The following TRABD2B variants were observed in gnomAD, a reference collection of about 807,000 sequenced individuals.
TRABD2B encodes the protein metalloprotease TIKI2.
A neutral mutation model predicts 40.1 loss-of-function variants in TRABD2B; 14 were observed. The observed-to-expected ratio is 0.35, with a 90% CI of 0.23 to 0.55. The LOEUF (loss-of-function observed/expected upper bound fraction) is 0.55. TRABD2B is among the 20% of genes least tolerant of loss of function. The probability of loss-of-function intolerance (pLI) is 0.90; values close to 1 mark genes in which losing one functional copy is unlikely to be tolerated. For synonymous variants in TRABD2B, 263 were observed against 277.0 expected (o/e 0.95, Z 0.50); for missense variants, 541 against 648.6 (o/e 0.83, Z 1.80).
chr1:47,993,400 T>G (rs770720477), intron 2 of TRABD2B, among the ~76,000 whole-genome samples: 1 of 152,226 alleles, frequency 6.6e-6, no homozygotes, highest in Non-Finnish European at 1.5e-5. Context: ...ATCAGGACTG[T>G]CAACCTTTAA....
rs1177048582 is a variant in TRABD2B at position 47,778,400 on chromosome 1, C to T, written c.1079+54G>A. 8 of 1,335,682 alleles carry T rather than the reference C, an allele frequency of 6.0e-6. No homozygotes were observed. In the African/African-American group the frequency reaches 8.7e-5, roughly 15 times the overall value. The allele number at this position is 1,335,682 out of a possible 1,614,324, so 82.7% of individuals were successfully genotyped here. A position where few individuals can be genotyped will look rare whatever the true frequency, so the allele number is the denominator to read the frequency against. The stretch of plus-strand genomic sequence containing the variant: ...GCCTCTTCACAGCTCTCCTGAAAGC[C>T]TGGGCAGGAAGGCAGGGTCAGTGAG... On this transcript the variant is annotated intron_variant, in intron 5 of 6. Transcript: ENST00000606738.
At chr1:47,899,597 GA>G (rs1471654837) in intron 2 of TRABD2B, among the ~76,000 whole-genome samples, 1 of 152,216 alleles carries the variant, frequency 6.6e-6, no homozygotes, top group African/African-American at 2.4e-5. Context: ...CAAAGTTGGG[GA>G]AACCATGGAA....
intron 2 of TRABD2B, among the ~76,000 whole-genome samples, chr1:47,844,030 G>A (rs900615569): frequency 6.6e-6 from 1 of 152,152 alleles, no homozygotes; most frequent in African/African-American, 2.4e-5. Flanking sequence ...GAATGTCTTT[G>A]AACCCCACAA....
chr1:47,919,051 G>A (rs777827481), intron 2 of TRABD2B, among the ~76,000 whole-genome samples: 9 of 152,162 alleles, frequency 5.9e-5, no homozygotes, highest in Non-Finnish European at 1.0e-4. Context: ...GGGCTCCCGC[G>A]GTCCGCCAAG....
intron 4 of TRABD2B, among the ~76,000 whole-genome samples, chr1:47,788,968 C>A (rs866847719): frequency 6.6e-6 from 1 of 152,152 alleles, no homozygotes; most frequent in Non-Finnish European, 1.5e-5. Context: ...TCCTGAGAAA[C>A]CTGTTTCCCT....
intron 2 of TRABD2B, among the ~76,000 whole-genome samples, chr1:47,890,967 T>G (rs1644436965): frequency 6.6e-6 from 1 of 152,186 alleles, no homozygotes; most frequent in African/African-American, 2.4e-5. Flanking sequence ...ACAACAGCAC[T>G]CGCTGGATCC....
chr1:47,881,960 C>T (rs1042368273), intron 2 of TRABD2B, among the ~76,000 whole-genome samples: 9 of 152,192 alleles, frequency 5.9e-5, no homozygotes, highest in Admixed American at 6.5e-5. Flanking sequence ...GGCTCAGAGC[C>T]ACATCTGGCT....
intron 2 of TRABD2B, among the ~76,000 whole-genome samples, chr1:47,881,081 C>T (rs150935143): frequency 8.5e-5 from 13 of 152,134 alleles, no homozygotes; most frequent in South Asian, 2.1e-4. Flanking sequence ...CAGACTACAC[C>T]GCAGGGCATG....
intron 2 of TRABD2B, among the ~76,000 whole-genome samples, chr1:47,899,596 G>A (rs1644571753): frequency 6.6e-6 from 1 of 152,154 alleles, no homozygotes; most frequent in Non-Finnish European, 1.5e-5. Flanking sequence ...TCAAAGTTGG[G>A]GAAACCATGG....
intron 2 of TRABD2B, among the ~76,000 whole-genome samples, chr1:47,910,919 T>C (rs892332728): frequency 2.0e-5 from 3 of 152,194 alleles, no homozygotes; most frequent in African/African-American, 4.8e-5. Context: ...CAATGGCTCA[T>C]GAGCAGGACC....
intron 2 of TRABD2B, among the ~76,000 whole-genome samples, chr1:47,850,376 A>G (rs925181924): frequency 1.3e-5 from 2 of 152,220 alleles, no homozygotes; most frequent in Admixed American, 1.3e-4. Context: ...TACTGTCAGA[A>G]ACTGAGGAAA....
chr1:47,827,617 C>T (rs1202410112), intron 2 of TRABD2B, among the ~76,000 whole-genome samples: 5 of 152,166 alleles, frequency 3.3e-5, no homozygotes, highest in Admixed American at 3.3e-4. Context: ...GAGAAGGGGC[C>T]TATTAGGGAA....
intron 2 of TRABD2B, among the ~76,000 whole-genome samples, chr1:47,934,134 A>C (rs958265682): frequency 2.0e-5 from 3 of 152,236 alleles, no homozygotes; most frequent in African/African-American, 7.2e-5. Context: ...GTGAGATGGC[A>C]AGCACTATTT....
In TRABD2B at chr1:47,997,275, C is replaced by A. The variant is rs977521387; in HGVS notation, c.-486G>T. 4,283 of 954,768 alleles carry A rather than the reference C, an allele frequency of 4.5e-3. 24 individuals are homozygous for A. The highest frequency in any genetic ancestry group is 4.9e-3 in the Non-Finnish European group (3,978 of 805,106). 59.1% of individuals were successfully genotyped at this position (954,768 alleles called of 1,614,324 possible). A position where few individuals can be genotyped will look rare whatever the true frequency, so the allele number is the denominator to read the frequency against. On this transcript the variant is annotated 5_prime_UTR_variant, in exon 1 of 7. Transcript: ENST00000606738. ...AAGGCGCGGCAGGGGTGGGGGGCGG[C>A]TCTGGGGCGACCGGCTGCCCCCGAG...
chr1:47,868,444 T>C (rs537597216), intron 2 of TRABD2B, among the ~76,000 whole-genome samples: 52 of 152,260 alleles, frequency 3.4e-4, no homozygotes, highest in Admixed American at 5.9e-4. Context: ...GACTGGTACA[T>C]GTCCATGGCC....
chr1:47,947,806 C>A (rs1211043733), intron 2 of TRABD2B, among the ~76,000 whole-genome samples: 1 of 152,276 alleles, frequency 6.6e-6, no homozygotes, highest in Non-Finnish European at 1.5e-5. Context: ...CATTATCTCC[C>A]GCAGCTCACA....
chr1:47,992,723 T>C (rs1646030134), intron 2 of TRABD2B, among the ~76,000 whole-genome samples: 1 of 152,170 alleles, frequency 6.6e-6, no homozygotes, highest in Non-Finnish European at 1.5e-5. Context: ...GAATCAGCAC[T>C]GGGCCATAGA....
rs1644258556 is a variant in TRABD2B at position 47,762,867 on chromosome 1, A to G, written c.*3035T>C. 6.6e-6 allele frequency: 1 copy of G among 152,172 alleles called. No individual in the cohort carries two copies. The highest frequency in any genetic ancestry group is 2.1e-4 in the South Asian group (1 of 4,824). The allele number at this position is 152,172 out of a possible 1,614,324, so 9.4% of individuals were successfully genotyped here. A position where few individuals can be genotyped will look rare whatever the true frequency, so the allele number is the denominator to read the frequency against. On this transcript the variant is annotated 3_prime_UTR_variant, in exon 7 of 7. Coordinates refer to ENST00000606738, the MANE Select transcript of TRABD2B (RefSeq NM_001194986.2). ...TCCAACATGCCCCAGAGAGCCCTTC[A>G]TCACACAGTCAGCTTTCGTGAGAGG...
At chr1:47,812,294 C>T (rs922815901) in intron 2 of TRABD2B, among the ~76,000 whole-genome samples, 10 of 152,098 alleles carry the variant, frequency 6.6e-5, no homozygotes, top group Admixed American at 5.2e-4. Context: ...ACGGAAGGCA[C>T]GGGTAATTAT....
Sources: gnomAD v4.1 joint callset for allele counts (sites outside exome capture counted in the v4.1 genomes callset) on GRCh38, gnomAD v4.1.1 for gene constraint, MANE v1.5 for transcripts, NCBI Gene and HGNC (gene_info 2026-07-23, HGNC 2026-07-21) for gene names.